Variants in GLRA2 observed in about 807,000 individuals in gnomAD.
GLRA2 encodes the protein glycine receptor subunit alpha-2.
GLRA2 carries 11 observed loss-of-function variants against 31.6 expected under a neutral mutation model. The ratio of observed to expected loss-of-function variants is 0.35; its 90% confidence interval spans 0.22 to 0.58. The LOEUF is 0.58. GLRA2 is among the 20% of genes least tolerant of loss of function. GLRA2 has a pLI of 0.84. For synonymous variants in GLRA2, 132 were observed against 134.0 expected (o/e 0.99, Z 0.10); for missense variants, 212 against 351.8 (o/e 0.60, Z 3.18).
chrX:14,550,015 G>A (rs1418724273), intron 2 of GLRA2, among the ~76,000 whole-genome samples: 1 of 110,857 alleles, frequency 9.0e-6, no homozygotes, highest in Non-Finnish European at 1.9e-5. Flanking sequence ...ACCACGACAA[G>A]TGCAGCAGGA....
At chrX:14,623,257 A>C (rs1032823513) in intron 7 of GLRA2, among the ~76,000 whole-genome samples, 5 of 111,616 alleles carry the variant, frequency 4.5e-5, no homozygotes, top group Middle Eastern at 4.7e-3. Flanking sequence ...GGGCTGAGAC[A>C]ATGGGGTTTT....
chrX:14,457,358 AC>A, the GLRA2 span, among the ~76,000 whole-genome samples: 307 of 74,990 alleles, frequency 4.1e-3, no homozygotes, highest in African/African-American at 0.015. Context: ...CTAGCCCCCC[AC>A]CCCCCACGGG....
chrX:14,594,991 G>A (rs1317265198), intron 4 of GLRA2, among the ~76,000 whole-genome samples: 1 of 107,775 alleles, frequency 9.3e-6, no homozygotes, highest in East Asian at 2.9e-4. Context: ...AATTAATAGA[G>A]AGGAAAGAGT....
chrX:14,708,446 A>G (rs2091661842), intron 8 of GLRA2, among the ~76,000 whole-genome samples: 2 of 110,944 alleles, frequency 1.8e-5, no homozygotes, highest in Non-Finnish European at 3.8e-5. Flanking sequence ...ATGTTGCACT[A>G]ACTATATTGC....
chrX:14,566,524 T>C (rs1239824966), intron 2 of GLRA2, among the ~76,000 whole-genome samples: 1 of 111,920 alleles, frequency 8.9e-6, no homozygotes, highest in Non-Finnish European at 1.9e-5. Context: ...CCCTTTGTAG[T>C]GAGTGCTTGT....
chrX:14,562,056 A>G (rs1405318158), intron 2 of GLRA2, among the ~76,000 whole-genome samples: 1 of 112,526 alleles, frequency 8.9e-6, no homozygotes, highest in Non-Finnish European at 1.9e-5. Context: ...AAAAATCTAT[A>G]GTCAAATAAG....
intron 3 of GLRA2, among the ~76,000 whole-genome samples, chrX:14,578,188 G>T (rs2089977528): frequency 8.9e-6 from 1 of 111,870 alleles, no homozygotes; most frequent in African/African-American, 3.3e-5. Context: ...TGGGGTATTT[G>T]TTCCCAGATC....
upstream of GLRA2, among the ~76,000 whole-genome samples, chrX:14,528,663 G>T (rs1200769963): frequency 1.8e-5 from 2 of 111,993 alleles, no homozygotes; most frequent in African/African-American, 6.5e-5. Flanking sequence ...GCCAATTTAG[G>T]AGAATAGCAT....
chrX:14,612,791 G>A (rs373999476), intron 7 of GLRA2, among the ~76,000 whole-genome samples: 15 of 103,158 alleles, frequency 1.5e-4, no homozygotes, highest in African/African-American at 5.0e-4. Flanking sequence ...ACATGGACAC[G>A]GGGAGGGGAA....
Position 14,728,673 on chromosome X carries a change from T to G in GLRA2, c.1081-1534T>G, listed in dbSNP as rs770649785. 3.6e-5 allele frequency among the ~76,000 whole-genome samples: 4 copies of G among 112,174 alleles called. No individual in the cohort carries two copies. In the East Asian group the frequency reaches 1.1e-3, roughly 32 times the overall value. ...AGAGATACTGTATCACAATGGGCAA[T>G]GTCGATAAATCAAAAGCCTCAAGGA... On this transcript the variant is annotated intron_variant, in intron 8 of 8. Coordinates refer to ENST00000218075, the MANE Select transcript of GLRA2 (RefSeq NM_002063.4).
chrX:14,670,779 C>T (rs990195554), intron 7 of GLRA2, among the ~76,000 whole-genome samples: 7 of 111,679 alleles, frequency 6.3e-5, no homozygotes, highest in Non-Finnish European at 9.4e-5. Flanking sequence ...AAACCTTTAA[C>T]TAACTGATGT....
At chrX:14,730,162 T>TTGAC in intron 8 of GLRA2, 45 bp from the exon 9 acceptor site, 1 of 1,040,252 alleles carries the variant, frequency 9.6e-7, no homozygotes, top group Non-Finnish European at 1.3e-6. Context: ...TCCATCTAAC[T>TTGAC]TGACTGACAA....
intron 8 of GLRA2, among the ~76,000 whole-genome samples, chrX:14,693,089 G>C (rs1177233220): frequency 2.8e-5 from 3 of 108,028 alleles, no homozygotes; most frequent in South Asian, 7.8e-4. Context: ...GACAGACAAA[G>C]AGAAAGCAAA....
At chrX:14,481,330 C>T in the GLRA2 span, among the ~76,000 whole-genome samples, 1 of 111,514 alleles carries the variant, frequency 9.0e-6, no homozygotes, top group East Asian at 2.8e-4. Flanking sequence ...CTCAGCCTCA[C>T]TAAGCCTTTG....
At chrX:14,566,098 C>T (rs2089801809) in intron 2 of GLRA2, among the ~76,000 whole-genome samples, 1 of 111,407 alleles carries the variant, frequency 9.0e-6, no homozygotes, top group Non-Finnish European at 1.9e-5. Context: ...AAAGAGGACT[C>T]AACCAAAATC....
chrX:14,468,730 G>A, the GLRA2 span, among the ~76,000 whole-genome samples: 1 of 111,382 alleles, frequency 9.0e-6, no homozygotes, highest in Non-Finnish European at 1.9e-5. Flanking sequence ...GATCCCTGAG[G>A]AATCGCCACA....
the GLRA2 span, among the ~76,000 whole-genome samples, chrX:14,478,453 G>A: frequency 1.8e-5 from 2 of 111,914 alleles, no homozygotes; most frequent in African/African-American, 3.2e-5. Context: ...TGTATTGCTA[G>A]CTAGATGAAA....
chrX:14,697,466 G>A (rs1017658298), intron 8 of GLRA2, among the ~76,000 whole-genome samples: 1 of 110,474 alleles, frequency 9.1e-6, no homozygotes, highest in East Asian at 2.8e-4. Context: ...TGGTGAAATC[G>A]AAAAAATAAT....
chrX:14,662,993 T>A (rs1221664985), intron 7 of GLRA2, among the ~76,000 whole-genome samples: 2 of 111,979 alleles, frequency 1.8e-5, no homozygotes, highest in African/African-American at 6.5e-5. Context: ...TCTCTAAATA[T>A]TTATACTAGT....
Sources: allele counts gnomAD v4.1 joint callset (sites outside exome capture counted in the v4.1 genomes callset), GRCh38; gene constraint gnomAD v4.1.1; transcripts MANE v1.5; gene names NCBI Gene and HGNC (gene_info 2026-07-23, HGNC 2026-07-21).